Variants in CACNB2 observed in about 807,000 individuals in gnomAD.
The protein encoded by CACNB2 is calcium voltage-gated channel auxiliary subunit beta 2, also known as voltage-dependent L-type calcium channel subunit beta-2.
Under a neutral mutation model 73.3 loss-of-function variants are expected in CACNB2, and 42 were observed. The observed-to-expected ratio is 0.57, with a 90% CI of 0.45 to 0.74. CACNB2 has a LOEUF of 0.74. CACNB2 is among the 30% of genes least tolerant of loss of function. The pLI, the probability that CACNB2 is intolerant of heterozygous loss-of-function variation, is 0.00. For missense variants in CACNB2, 940 were observed against 853.0 expected (o/e 1.10, Z -1.27); for synonymous variants, 348 against 310.3 (o/e 1.12, Z -1.28).
At chr10:18,164,506 G>C (rs1285509246) in intron 2 of CACNB2, among the ~76,000 whole-genome samples, 1 of 151,994 alleles carries the variant, frequency 6.6e-6, no homozygotes, top group South Asian at 2.1e-4. Flanking sequence ...GCAGGCAATG[G>C]GTCTTTGGGG....
At chr10:18,248,878 C>T (rs1291660973) in intron 2 of CACNB2, among the ~76,000 whole-genome samples, 3 of 152,150 alleles carry the variant, frequency 2.0e-5, no homozygotes, top group South Asian at 2.1e-4. Flanking sequence ...CTAAACCTGA[C>T]TCTCATTCAC....
chr10:18,233,305 G>A (rs1215437930), intron 2 of CACNB2, among the ~76,000 whole-genome samples: 1 of 152,042 alleles, frequency 6.6e-6, no homozygotes, highest in African/African-American at 2.4e-5. Flanking sequence ...TTGAGGATGG[G>A]ACACTTAAGT....
intron 3 of CACNB2, among the ~76,000 whole-genome samples, chr10:18,492,620 C>CAAAAAAAAAAAAAAAAAAAAAAAAAA (rs371407084): frequency 1.1e-5 from 1 of 90,472 alleles, no homozygotes; most frequent in Non-Finnish European, 2.1e-5. Context: ...GACTCTGTCT[C>CAAAAAAAAAAAAAAAAAAAAAAAAAA]AAAAAAAAAA....
At chr10:18,166,081 C>T (rs1328180841) in intron 2 of CACNB2, among the ~76,000 whole-genome samples, 1 of 152,092 alleles carries the variant, frequency 6.6e-6, no homozygotes, top group Non-Finnish European at 1.5e-5. Flanking sequence ...ACATCTGTTT[C>T]CTTCTATGGA....
At chr10:18,142,859 G>C (rs1440162480) in intron 1 of CACNB2, among the ~76,000 whole-genome samples, 1 of 152,206 alleles carries the variant, frequency 6.6e-6, no homozygotes, top group Admixed American at 6.5e-5. Flanking sequence ...TGGAAGAGAA[G>C]TTCTGACTAG....
intron 3 of CACNB2, among the ~76,000 whole-genome samples, chr10:18,458,185 T>TA (rs1334408968): frequency 6.6e-6 from 1 of 152,224 alleles, no homozygotes; most frequent in Non-Finnish European, 1.5e-5. Context: ...AACTAAGTAA[T>TA]AAAATCTATT....
intron 2 of CACNB2, among the ~76,000 whole-genome samples, chr10:18,317,393 C>T (rs757625500): frequency 1.2e-4 from 18 of 152,118 alleles, no homozygotes; most frequent in Admixed American, 7.9e-4. Flanking sequence ...CCCTTTCCTA[C>T]CTCTCCCCTT....
chr10:18,308,461 C>G (rs142900981), intron 2 of CACNB2, among the ~76,000 whole-genome samples: 3 of 152,300 alleles, frequency 2.0e-5, no homozygotes, highest in African/African-American at 7.2e-5. Flanking sequence ...ACTCTCCTCC[C>G]GCCCTCCGCT....
chr10:18,264,754 T>C (rs926300161), intron 2 of CACNB2, among the ~76,000 whole-genome samples: 3 of 152,342 alleles, frequency 2.0e-5, no homozygotes, highest in African/African-American at 7.2e-5. Flanking sequence ...CTGTGATGAC[T>C]TAGTGATCCA....
At chr10:18,226,626 C>G (rs1473033450) in intron 2 of CACNB2, among the ~76,000 whole-genome samples, 1 of 152,152 alleles carries the variant, frequency 6.6e-6, no homozygotes, top group Non-Finnish European at 1.5e-5. Context: ...GAGCGTGTGG[C>G]CGTATGATCA....
chr10:18,277,383 T>C (rs2131677947), intron 2 of CACNB2, among the ~76,000 whole-genome samples: 1 of 152,352 alleles, frequency 6.6e-6, no homozygotes, highest in South Asian at 2.1e-4. Context: ...GTCCAGCTTT[T>C]CTGAGTTGCC....
chr10:18,323,963 T>C (rs1422344327), intron 2 of CACNB2, among the ~76,000 whole-genome samples: 1 of 152,206 alleles, frequency 6.6e-6, no homozygotes, highest in Non-Finnish European at 1.5e-5. Flanking sequence ...TTATATTCCA[T>C]GAATAGCCTG....
At chr10:18,460,276 C>T (rs977717448) in intron 3 of CACNB2, among the ~76,000 whole-genome samples, 1 of 151,992 alleles carries the variant, frequency 6.6e-6, no homozygotes, top group Admixed American at 6.6e-5. Flanking sequence ...GGATTATCTT[C>T]TAGCCCAATG....
chr10:18,348,808 G>A (rs1023895784), intron 2 of CACNB2, among the ~76,000 whole-genome samples: 10 of 152,128 alleles, frequency 6.6e-5, no homozygotes, highest in African/African-American at 2.4e-4. Flanking sequence ...CAGATACAAA[G>A]TTTATATTTT....
intron 2 of CACNB2, among the ~76,000 whole-genome samples, chr10:18,192,439 CT>C (rs1179409409): frequency 1.3e-5 from 2 of 152,110 alleles, no homozygotes; most frequent in Non-Finnish European, 2.9e-5. Flanking sequence ...CCGCCAACTC[CT>C]GGGCTCAAGT....
intron 2 of CACNB2, among the ~76,000 whole-genome samples, chr10:18,190,693 A>T (rs933341467): frequency 6.6e-6 from 1 of 152,218 alleles, no homozygotes. Flanking sequence ...CTGAAACCTC[A>T]TGATGGAATT....
intron 3 of CACNB2, among the ~76,000 whole-genome samples, chr10:18,410,472 C>G (rs970942059): frequency 6.6e-6 from 1 of 151,942 alleles, no homozygotes; most frequent in Non-Finnish European, 1.5e-5. Context: ...GAAACATGAA[C>G]ATGTTTACGT....
chr10:18,173,003 C>T (rs2131163490), intron 2 of CACNB2, among the ~76,000 whole-genome samples: 1 of 149,690 alleles, frequency 6.7e-6, no homozygotes, highest in Non-Finnish European at 1.5e-5. Flanking sequence ...GCACTGCAAC[C>T]TACACCTCCC....
At chr10:18,356,942 C>CTTATTTTTTT (rs2041935868) in intron 2 of CACNB2, among the ~76,000 whole-genome samples, 1 of 101,104 alleles carries the variant, frequency 9.9e-6, no homozygotes, top group African/African-American at 3.4e-5. Flanking sequence ...GACTCAATTT[C>CTTATTTTTTT]TTTTTTTTTT....
Sources: allele counts gnomAD v4.1 joint callset (sites outside exome capture counted in the v4.1 genomes callset), GRCh38; gene constraint gnomAD v4.1.1; transcripts MANE v1.5; gene names NCBI Gene and HGNC (gene_info 2026-07-23, HGNC 2026-07-21).